NIM1K: variants seen among roughly 807,000 people sequenced by gnomAD.
The protein encoded by NIM1K is serine/threonine-protein kinase NIM1.
In NIM1K, 35 loss-of-function variants were observed where a neutral mutation model predicts 37.1. The observed-to-expected ratio is 0.94, with a 90% confidence interval of 0.72 to 1.25. NIM1K has a LOEUF of 1.25. Ranked by LOEUF, NIM1K falls within the 50% of genes most tolerant of loss-of-function variation. The probability of loss-of-function intolerance (pLI) is 0.00; values close to 1 mark genes in which losing one functional copy is unlikely to be tolerated. For missense variants in NIM1K, 564 were observed against 548.0 expected, an observed-to-expected ratio of 1.03 and a Z score of -0.29; for synonymous variants, 234 against 206.6, an observed-to-expected ratio of 1.13 and a Z score of -1.14.
rs145274177 is a variant in NIM1K at position 43,243,950 on chromosome 5, C to G, written c.-694-1132C>G. Among the ~76,000 whole-genome samples, 5 of 152,328 alleles carry G rather than the reference C, an allele frequency of 3.3e-5. No individual in the cohort carries two copies. The East Asian group carries it at 7.7e-4, about 24-fold the overall frequency. On this transcript the variant is annotated intron_variant, in intron 1 of 3. Transcript: ENST00000326035. ...AATTGGTCTCTAACCTAGAGATGTG[C>G]TTAGTTACTGATACCTGGTCCCTTT... is the stretch of plus-strand genomic sequence containing the variant.
chr5:43,275,497 G>A (rs1753324472), intron 2 of NIM1K, among the ~76,000 whole-genome samples: 1 of 152,182 alleles, frequency 6.6e-6, no homozygotes. Context: ...GTGCAATCCA[G>A]AACCATTGTA....
At chr5:43,214,523 T>C (rs191379349) in intron 1 of NIM1K, among the ~76,000 whole-genome samples, 1 of 152,262 alleles carries the variant, frequency 6.6e-6, no homozygotes, top group African/African-American at 2.4e-5. Context: ...CTCTCAGAAA[T>C]GTGCCCATTT....
At chr5:43,264,874 A>G (rs556720918) in intron 2 of NIM1K, among the ~76,000 whole-genome samples, 4 of 152,284 alleles carry the variant, frequency 2.6e-5, no homozygotes, top group Admixed American at 2.0e-4. Flanking sequence ...TTCTTCACTT[A>G]TGAAGCTTAG....
At chr5:43,198,983 G>A (rs1340267866) in intron 1 of NIM1K, among the ~76,000 whole-genome samples, 3 of 151,746 alleles carry the variant, frequency 2.0e-5, no homozygotes, top group African/African-American at 7.3e-5. Flanking sequence ...GAGGTCAGGA[G>A]TTCGAGACCA....
In NIM1K at chr5:43,277,045, T is replaced by C; in HGVS notation, c.293-12T>C. The C allele has an allele frequency of 1.2e-6, 2 of 1,612,268 alleles. No individual in the cohort carries two copies. Among genetic ancestry groups the C allele is most frequent in the Non-Finnish European group, 1.7e-6 (2 of 1,179,386 alleles). On this transcript the variant is annotated splice_polypyrimidine_tract_variant and intron_variant, in intron 2 of 3. Coordinates refer to ENST00000326035, the MANE Select transcript of NIM1K (RefSeq NM_153361.4). Reference sequence around the variant, plus strand: ...TGAATTCTGGCACAATTTTTACTTTTTTTCCTTGCAGAAAAGGTGGCCATT... The same window carrying C: ...TGAATTCTGGCACAATTTTTACTTTCTTTCCTTGCAGAAAAGGTGGCCATT...
intron 2 of NIM1K, among the ~76,000 whole-genome samples, chr5:43,262,218 A>G (rs1309896792): frequency 2.6e-5 from 4 of 152,060 alleles, no homozygotes; most frequent in African/African-American, 9.7e-5. Flanking sequence ...CATTTTCACG[A>G]TATTGATTCT....
intron 1 of NIM1K, among the ~76,000 whole-genome samples, chr5:43,228,334 G>A (rs1292444828): frequency 6.6e-6 from 1 of 151,846 alleles, no homozygotes; most frequent in African/African-American, 2.4e-5. Context: ...TTTTAGTAGA[G>A]ACAGGGTTTC....
intron 1 of NIM1K, among the ~76,000 whole-genome samples, chr5:43,235,347 A>G (rs1472633391): frequency 6.6e-6 from 1 of 152,258 alleles, no homozygotes; most frequent in Non-Finnish European, 1.5e-5. Flanking sequence ...ATACAAGTTC[A>G]TAAGACAAAA....
At chr5:43,250,605 C>T (rs548769755) in intron 2 of NIM1K, among the ~76,000 whole-genome samples, 2 of 152,272 alleles carry the variant, frequency 1.3e-5, no homozygotes, top group African/African-American at 4.8e-5. Flanking sequence ...ACTAATGTTG[C>T]TTTTCAATAG....
At chr5:43,226,016 G>C (rs1258079329) in intron 1 of NIM1K, among the ~76,000 whole-genome samples, 1 of 152,212 alleles carries the variant, frequency 6.6e-6, no homozygotes, top group South Asian at 2.1e-4. Context: ...ACTGAAATGA[G>C]TCTTAAAGGA....
chr5:43,227,785 G>A (rs924501373), intron 1 of NIM1K, among the ~76,000 whole-genome samples: 6 of 152,126 alleles, frequency 3.9e-5, no homozygotes, highest in African/African-American at 1.4e-4. Context: ...CCAGAAGGGG[G>A]CAATGTGACA....
At chr5:43,213,131 C>G (rs994494958) in intron 1 of NIM1K, among the ~76,000 whole-genome samples, 1 of 151,736 alleles carries the variant, frequency 6.6e-6, no homozygotes, top group African/African-American at 2.4e-5. Context: ...GGATTCAAAA[C>G]TTTGAAAAAA....
intron 1 of NIM1K, among the ~76,000 whole-genome samples, chr5:43,230,791 A>G (rs1005992272): frequency 3.3e-5 from 5 of 152,156 alleles, no homozygotes; most frequent in African/African-American, 9.7e-5. Context: ...CTCCTCCCCA[A>G]TTCTGTACCT....
Position 43,245,863 on chromosome 5 carries a change from C to A in NIM1K, c.88C>A (p.Gln30Lys). The change falls in exon 2 of 4, where the codon CAG becomes AAG. Residue 30 changes from glutamine (Q) to lysine (K), a missense_variant. Gln to Lys is a moderately conservative substitution (Grantham distance 53). Transcript: ENST00000326035. ...GCGCGACAGTGTAGAAAGTGGCTGT[C>A]AGACCGAGAGTAGCAAGGAGGGTGA... ...DRRDSVESGC[Q>K]TESSKEGEEG... 6.2e-7 allele frequency: 1 copy of A among 1,614,098 alleles called. No homozygotes were observed. Among genetic ancestry groups the A allele is most frequent in the Non-Finnish European group, 8.5e-7 (1 of 1,179,982 alleles).
At chr5:43,264,198 T>G (rs1753083659) in intron 2 of NIM1K, among the ~76,000 whole-genome samples, 1 of 152,196 alleles carries the variant, frequency 6.6e-6, no homozygotes, top group Non-Finnish European at 1.5e-5. Flanking sequence ...GTCTCATTGA[T>G]CTGTCTAATG....
At chr5:43,199,629 C>G (rs2112199813) in intron 1 of NIM1K, among the ~76,000 whole-genome samples, 1 of 152,282 alleles carries the variant, frequency 6.6e-6, no homozygotes, top group South Asian at 2.1e-4. Flanking sequence ...CACTAATTAT[C>G]AGAAACACCA....
intron 3 of NIM1K, among the ~76,000 whole-genome samples, 173 bp downstream of exon 3, chr5:43,277,498 C>A (rs1753363564): frequency 6.6e-6 from 1 of 152,110 alleles, no homozygotes; most frequent in Non-Finnish European, 1.5e-5. Flanking sequence ...GCCTGTGAAG[C>A]AACATCCAGG....
chr5:43,210,452 A>G (rs1752187020), intron 1 of NIM1K, among the ~76,000 whole-genome samples: 1 of 152,146 alleles, frequency 6.6e-6, no homozygotes, highest in Non-Finnish European at 1.5e-5. Flanking sequence ...CCCTGCCCTC[A>G]GGTGAAGAGA....
At chr5:43,217,831 C>T (rs1423891271) in intron 1 of NIM1K, among the ~76,000 whole-genome samples, 1 of 151,406 alleles carries the variant, frequency 6.6e-6, no homozygotes, top group East Asian at 2.0e-4. Flanking sequence ...CCTGCCTCAG[C>T]CTCCCGAGTA....
Sources: gnomAD v4.1 joint callset for allele counts (sites outside exome capture counted in the v4.1 genomes callset) on GRCh38, gnomAD v4.1.1 for gene constraint, MANE v1.5 for transcripts, NCBI Gene and HGNC (gene_info 2026-07-23, HGNC 2026-07-21) for gene names.